The following COL13A1 variants were observed in gnomAD, a reference collection of about 807,000 sequenced individuals.
COL13A1 encodes the protein collagen alpha-1(XIII) chain.
COL13A1 carries 89 observed loss-of-function variants against 130.9 expected under a neutral mutation model. The ratio of observed to expected loss-of-function variants is 0.68; its 90% CI spans 0.57 to 0.81. The LOEUF (loss-of-function observed/expected upper bound fraction) is 0.81, where lower values mean the gene tolerates loss of function less well. Among genes scored for constraint, COL13A1 ranks in the 30% least tolerant of loss-of-function variants. The pLI is 0.00. For synonymous variants in COL13A1, 402 were observed against 341.6 expected (o/e 1.18, Z -1.95); for missense variants, 879 against 934.6 (o/e 0.94, Z 0.78).
At chr10:69,887,014 G>T (rs191534834) in intron 7 of COL13A1, among the ~76,000 whole-genome samples, 2 of 152,180 alleles carry the variant, frequency 1.3e-5, no homozygotes, top group Non-Finnish European at 2.9e-5. Flanking sequence ...TGAAGGTCAG[G>T]TTCTGATATC....
intron 5 of COL13A1, among the ~76,000 whole-genome samples, chr10:69,877,001 T>C (rs568807973): frequency 1.7e-3 from 260 of 152,260 alleles, no homozygotes; most frequent in Middle Eastern, 3.4e-3. Flanking sequence ...CACACTTCCC[T>C]CCCATAGCAG....
intron 2 of COL13A1, among the ~76,000 whole-genome samples, chr10:69,849,003 C>T (rs1416147847): frequency 6.6e-6 from 1 of 152,248 alleles, no homozygotes; most frequent in Non-Finnish European, 1.5e-5. Flanking sequence ...CACCCCCCTG[C>T]ACCACCTGAC....
At chr10:69,957,153 T>C (rs2070894482) in intron 40 of COL13A1, 111 bp downstream of exon 40, 2 of 903,110 alleles carry the variant, frequency 2.2e-6, no homozygotes, top group Non-Finnish European at 3.7e-6. Context: ...ATAGGTCAAA[T>C]AGTCACTGTC....
At chr10:69,933,151 A>AAAAAAAAAAAAAAAAAAAAAAAAAAAAG (rs2066369090) in intron 31 of COL13A1, among the ~76,000 whole-genome samples, 1 of 145,662 alleles carries the variant, frequency 6.9e-6, no homozygotes, top group Non-Finnish European at 1.5e-5. Context: ...AAAAAAAAAA[A>AAAAAAAAAAAAAAAAAAAAAAAAAAAAG]AAAAAAAAAA....
At chr10:69,883,683 G>A (rs1414985919) in intron 7 of COL13A1, among the ~76,000 whole-genome samples, 1 of 152,172 alleles carries the variant, frequency 6.6e-6, no homozygotes, top group Non-Finnish European at 1.5e-5. Context: ...TGGAGGAGGG[G>A]ATAATAACTG....
intron 28 of COL13A1, 134 bp from the exon 29 acceptor site, chr10:69,929,909 C>A: frequency 1.3e-6 from 1 of 742,956 alleles, no homozygotes. Flanking sequence ...TACCTCCCAG[C>A]AACACAGTTA....
chr10:69,821,674 C>T (rs1846107546), intron 1 of COL13A1, among the ~76,000 whole-genome samples: 1 of 152,190 alleles, frequency 6.6e-6, no homozygotes, highest in African/African-American at 2.4e-5. Flanking sequence ...TTATGAGACC[C>T]TTGTCACATT....
intron 2 of COL13A1, among the ~76,000 whole-genome samples, chr10:69,859,683 G>A (rs1857430359): frequency 6.6e-6 from 1 of 152,114 alleles, no homozygotes; most frequent in Non-Finnish European, 1.5e-5. Context: ...TGGGGCTGGA[G>A]GTCAAGGGTC....
rs558488558 is a variant in COL13A1 at position 69,867,269 on chromosome 10, C to T, written c.365-529C>T. Among the ~76,000 whole-genome samples, 20 of 152,308 alleles carry T rather than the reference C, an allele frequency of 1.3e-4. No homozygotes were observed. The East Asian group carries it at 3.5e-3, about 27-fold the overall frequency. ...CCCTGGAGGGGTGAAGTGCCTAACT[C>T]ACTGCTAAACAGAAACCAGGACGGG... On this transcript the variant is annotated intron_variant, in intron 2 of 40. Coordinates refer to ENST00000645393, the MANE Select transcript of COL13A1 (RefSeq NM_001368882.1).
At chr10:69,814,915 C>T (rs1453794364) in intron 1 of COL13A1, among the ~76,000 whole-genome samples, 1 of 152,228 alleles carries the variant, frequency 6.6e-6, no homozygotes, top group Admixed American at 6.5e-5. Context: ...AAGTGCTTAG[C>T]ACAGTGGCTG....
At chr10:69,838,737 C>T (rs1301135150) in intron 2 of COL13A1, among the ~76,000 whole-genome samples, 6 of 152,230 alleles carry the variant, frequency 3.9e-5, no homozygotes, top group African/African-American at 1.4e-4. Flanking sequence ...GTATACAGAG[C>T]GCCAGGCATG....
intron 2 of COL13A1, among the ~76,000 whole-genome samples, chr10:69,854,722 T>A (rs1039980181): frequency 6.6e-6 from 1 of 152,092 alleles, no homozygotes; most frequent in African/African-American, 2.4e-5. Context: ...GATTGATTGG[T>A]TGTGGTTGCC....
In COL13A1 at chr10:69,858,115, C is replaced by CAAAAAAAAAAAA. The variant is rs573668102; in HGVS notation, c.365-9674_365-9663dup. 3.6e-4 allele frequency among the ~76,000 whole-genome samples: 29 copies of CAAAAAAAAAAAA among 80,348 alleles called. 2 individuals are homozygous for CAAAAAAAAAAAA. The highest frequency in any genetic ancestry group is 1.1e-3 in the African/African-American group (22 of 19,876). The allele number at this position is 80,348 out of a possible 152,430, so 52.7% of individuals were successfully genotyped here. A position where few individuals can be genotyped will look rare whatever the true frequency, so the allele number is the denominator to read the frequency against. Reference sequence around the variant, plus strand: ...TGGGTGACAGAGCGAGACTCCGTCTCAAAAAAAAAAAAAAAAAAAAGATTG... The same window carrying CAAAAAAAAAAAA: ...TGGGTGACAGAGCGAGACTCCGTCTCAAAAAAAAAAAAAAAAAAAAAAAAAAAAAAAAGATTG... On this transcript the variant is annotated intron_variant, in intron 2 of 40. Transcript: ENST00000645393.
intron 1 of COL13A1, 34 bp downstream of exon 1, chr10:69,802,751 C>T: frequency 5.0e-6 from 8 of 1,605,460 alleles, no homozygotes; most frequent in Non-Finnish European, 6.8e-6. Context: ...TTTATCCCTC[C>T]CCGCGGCGCC....
chr10:69,859,445 C>A (rs1235826887), intron 2 of COL13A1, among the ~76,000 whole-genome samples: 2 of 152,202 alleles, frequency 1.3e-5, no homozygotes, highest in Non-Finnish European at 2.9e-5. Context: ...CCTTCCCCAG[C>A]CCCTCTTCTC....
chr10:69,948,399 T>C (rs968683129), intron 38 of COL13A1, among the ~76,000 whole-genome samples: 5 of 152,182 alleles, frequency 3.3e-5, no homozygotes, highest in South Asian at 2.1e-4. Context: ...TGCTCTTCAC[T>C]GGCAGCTGGT....
chr10:69,948,239 TC>T (rs1469113098), intron 38 of COL13A1, among the ~76,000 whole-genome samples: 3 of 152,174 alleles, frequency 2.0e-5, no homozygotes, highest in Non-Finnish European at 4.4e-5. Flanking sequence ...GCACACGGTC[TC>T]CAGAACCCAG....
At position 69,902,843 on chromosome 10, in the gene COL13A1, T is replaced by C; in HGVS notation, c.846T>C (p.Pro282=). The change falls in exon 15 of 41, where the codon CCT becomes CCC. Residue 282 remains proline, a synonymous_variant. Coordinates refer to ENST00000645393, the MANE Select transcript of COL13A1 (RefSeq NM_001368882.1). The part of the protein sequence containing the change: ...GPLGHPGLPG[P]MGPPGLPGPP... ...TGGGGCACCCAGGACTGCCAGGGCCTATGGGGCCACCTGTAAGTATTCCCT... is the reference window on the plus strand; with the variant it reads ...TGGGGCACCCAGGACTGCCAGGGCCCATGGGGCCACCTGTAAGTATTCCCT... 1.3e-6 allele frequency: 2 copies of C among 1,536,284 alleles called. No individual in the cohort carries two copies. The highest frequency in any genetic ancestry group is 1.8e-6 in the Non-Finnish European group (2 of 1,138,766).
chr10:69,906,210 G>A (rs889549140), intron 17 of COL13A1, among the ~76,000 whole-genome samples: 3 of 152,236 alleles, frequency 2.0e-5, no homozygotes, highest in African/African-American at 7.2e-5. Context: ...AATATTCTGG[G>A]AGAAGACAGC....
Sources: gnomAD v4.1 joint callset for allele counts (sites outside exome capture counted in the v4.1 genomes callset) on GRCh38, gnomAD v4.1.1 for gene constraint, MANE v1.5 for transcripts, NCBI Gene and HGNC (gene_info 2026-07-23, HGNC 2026-07-21) for gene names.